The following RAB27A variants were observed in gnomAD, a reference collection of about 807,000 sequenced individuals.
RAB27A encodes the protein RAB27A, member RAS oncogene family.
Under a neutral mutation model 20.8 loss-of-function variants are expected in RAB27A, and 17 were observed. The ratio of observed to expected loss-of-function variants is 0.82; its 90% confidence interval spans 0.56 to 1.23. RAB27A has a LOEUF of 1.23. RAB27A is among the 50% of genes most tolerant of loss of function. The pLI is 0.00. For missense variants in RAB27A, 277 were observed against 266.7 expected (o/e 1.04, Z -0.27); for synonymous variants, 85 against 92.8 (o/e 0.92, Z 0.48).
At chr15:55,317,186 AG>A (rs1332632483) in intron 1 of RAB27A, 2 of 151,654 alleles carry the variant, frequency 1.3e-5, no homozygotes, top group African/African-American at 4.8e-5. Context: ...TAACAGTGTT[AG>A]GTTAAAAAAT....
chr15:55,225,869 T>C (rs1185055654), intron 5 of RAB27A, among the ~76,000 whole-genome samples: 1 of 150,914 alleles, frequency 6.6e-6, no homozygotes, highest in Non-Finnish European at 1.5e-5. Flanking sequence ...CAGTATAAAA[T>C]GTAACAGGGG....
intron 2 of RAB27A, among the ~76,000 whole-genome samples, chr15:55,303,999 TGGC>T (rs1048729651): frequency 1.3e-5 from 2 of 150,818 alleles, no homozygotes; most frequent in African/African-American, 4.9e-5. Flanking sequence ...AGGATGACAA[TGGC>T]GGCTTTGTGG....
rs1894585869 is a variant in RAB27A, at chr15:55,205,270, TA to T, written c.*236del. The T allele has an allele frequency of 1.8e-6, 1 of 567,228 alleles. No individual in the cohort carries two copies. Among genetic ancestry groups the T allele is most frequent in the African/African-American group, 1.9e-5 (1 of 53,156 alleles). 35.1% of individuals were successfully genotyped at this position (567,228 alleles called of 1,614,324 possible). Reference sequence around the variant, plus strand: ...TTTACTATAATAGGCTAAGGTTGTATAAGGCACTTTTGGCTCTGAAATATTT... The same window carrying T: ...TTTACTATAATAGGCTAAGGTTGTATAGGCACTTTTGGCTCTGAAATATTT... On this transcript the variant is annotated 3_prime_UTR_variant, in exon 7 of 7. Transcript: ENST00000336787.
intron 2 of RAB27A, among the ~76,000 whole-genome samples, chr15:55,260,673 A>G (rs180810300): frequency 6.6e-6 from 1 of 152,376 alleles, no homozygotes; most frequent in Admixed American, 6.5e-5. Context: ...TTACTAACTG[A>G]AAGAAGCCAA....
intron 6 of RAB27A, among the ~76,000 whole-genome samples, chr15:55,210,513 T>G (rs552776542): frequency 1.3e-5 from 2 of 152,072 alleles, no homozygotes; most frequent in East Asian, 1.9e-4. Context: ...GATTTGCCTT[T>G]CTCTGAGTAG....
chr15:55,300,123 C>T (rs759879427), intron 2 of RAB27A, among the ~76,000 whole-genome samples: 1 of 151,964 alleles, frequency 6.6e-6, no homozygotes, highest in Non-Finnish European at 1.5e-5. Context: ...CCTGGCCAAT[C>T]CTAATTTCTT....
intron 2 of RAB27A, among the ~76,000 whole-genome samples, chr15:55,258,945 C>A (rs1027394778): frequency 1.3e-5 from 2 of 152,210 alleles, no homozygotes; most frequent in African/African-American, 4.8e-5. Flanking sequence ...ATCCCTCAGC[C>A]TCCCAAGTAG....
intron 2 of RAB27A, among the ~76,000 whole-genome samples, chr15:55,309,270 T>G (rs765756041): frequency 1.2e-4 from 18 of 152,204 alleles, no homozygotes; most frequent in Non-Finnish European, 2.4e-4. Flanking sequence ...TAAGCCAGTA[T>G]AGGCTGGATA....
intron 1 of RAB27A, chr15:55,289,140 T>A (rs1250392034): frequency 6.6e-6 from 1 of 152,288 alleles, no homozygotes; most frequent in Non-Finnish European, 1.5e-5. Flanking sequence ...TTTGCTGAAC[T>A]GGTGATCTAT....
At chr15:55,316,478 C>T (rs1375401890) in intron 1 of RAB27A, among the ~76,000 whole-genome samples, 1 of 151,482 alleles carries the variant, frequency 6.6e-6, no homozygotes, top group African/African-American at 2.4e-5. Context: ...TACCTAATGC[C>T]TGCAGGGCTT....
chr15:55,219,171 A>G (rs1390194907), intron 6 of RAB27A, among the ~76,000 whole-genome samples: 1 of 152,228 alleles, frequency 6.6e-6, no homozygotes, highest in Admixed American at 6.5e-5. Flanking sequence ...ATTTAGTCAC[A>G]GAGTGAAGCC....
At chr15:55,228,443 A>G (rs1895895099) in intron 5 of RAB27A, among the ~76,000 whole-genome samples, 166 bp downstream of exon 5, 1 of 152,218 alleles carries the variant, frequency 6.6e-6, no homozygotes, top group Admixed American at 6.5e-5. Context: ...GGAGAAGCAG[A>G]GTATTTCAAT....
At chr15:55,295,453 G>T (rs934578318) in intron 2 of RAB27A, among the ~76,000 whole-genome samples, 4 of 152,148 alleles carry the variant, frequency 2.6e-5, no homozygotes, top group African/African-American at 9.7e-5. Flanking sequence ...GAGACAAATG[G>T]CCACCAAGGA....
At chr15:55,276,397 AATAT>A (rs1452825207) in intron 1 of RAB27A, among the ~76,000 whole-genome samples, 1 of 152,192 alleles carries the variant, frequency 6.6e-6, no homozygotes, top group Non-Finnish European at 1.5e-5. Flanking sequence ...CCATATATTT[AATAT>A]ATAGAATCTA....
chr15:55,241,483 T>C (rs1396538581), intron 2 of RAB27A, among the ~76,000 whole-genome samples: 1 of 151,658 alleles, frequency 6.6e-6, no homozygotes, highest in Non-Finnish European at 1.5e-5. Context: ...ATCATCTTCC[T>C]TATTTTTAAA....
chr15:55,308,043 T>C lies in RAB27A; in HGVS notation c.-112+5996A>G, dbSNP rs534162045. The stretch of plus-strand genomic sequence containing the variant: ...TATGTCCTCGTGAGGTTCCCCATTC[T>C]ATTTCTTCTTCTGAGTACTGGGGCT... On this transcript the variant is annotated intron_variant, in intron 2 of 5. Transcript: ENST00000563262. Among the ~76,000 whole-genome samples the C allele has an allele frequency of 1.4e-4, 22 of 152,326 alleles. 1 individual carries two copies. Among genetic ancestry groups the C allele is most frequent in the African/African-American group, 5.3e-4 (22 of 41,584 alleles).
chr15:55,243,683 C>T (rs1896580532), intron 2 of RAB27A, among the ~76,000 whole-genome samples: 1 of 151,614 alleles, frequency 6.6e-6, no homozygotes, highest in South Asian at 2.1e-4. Flanking sequence ...ACACTTCTGG[C>T]CCTCTCTCTT....
chr15:55,319,117 G>A (rs535526775), upstream of RAB27A: 100 of 1,077,080 alleles, frequency 9.3e-5, no homozygotes, highest in Non-Finnish European at 1.1e-4. Context: ...CGTCGGGTGG[G>A]AGCTACGAAG....
exon 2 of RAB27A, chr15:55,314,091 G>A (rs183649816): frequency 1.3e-5 from 2 of 151,072 alleles, no homozygotes; most frequent in East Asian, 3.9e-4. Context: ...TTGAACCTGG[G>A]TGGGAGAGGT....
Sources: gnomAD v4.1 joint callset for allele counts (sites outside exome capture counted in the v4.1 genomes callset) on GRCh38, gnomAD v4.1.1 for gene constraint, MANE v1.5 for transcripts, NCBI Gene and HGNC (gene_info 2026-07-23, HGNC 2026-07-21) for gene names.